The following FAT4 variants were observed in gnomAD, a reference collection of about 807,000 sequenced individuals.
The protein encoded by FAT4 is protocadherin Fat 4.
In FAT4, 84 loss-of-function variants were observed where a neutral mutation model predicts 303.9. The ratio of observed to expected loss-of-function variants is 0.28; its 90% CI spans 0.23 to 0.33. FAT4 has a LOEUF of 0.33. Ranked by LOEUF, FAT4 falls within the 10% of genes least tolerant of loss-of-function variation. The pLI, the probability that FAT4 is intolerant of heterozygous loss-of-function variation, is 1.00. For missense variants in FAT4, 6,005 were observed against 6,146.8 expected (o/e 0.98, Z 0.77); for synonymous variants, 2,307 against 2,298.8 (o/e 1.00, Z -0.10).
In FAT4 at chr4:125,451,063, T is replaced by G; in HGVS notation, c.10053T>G (p.Asn3351Lys). 1 of 1,614,050 alleles carries G rather than the reference T, an allele frequency of 6.2e-7. No individual in the cohort carries two copies. The highest frequency in any genetic ancestry group is 8.5e-7 in the Non-Finnish European group (1 of 1,179,992). ...GNSRKKGFQI[N>K]KKTGQIYVSG... Reference sequence around the variant, plus strand: ...GTCGAAAGAAGGGTTTCCAGATCAATAAGAAGACTGGACAGATTTATGTTT... The same window carrying G: ...GTCGAAAGAAGGGTTTCCAGATCAAGAAGAAGACTGGACAGATTTATGTTT... Residue 3351 changes from asparagine (N) to lysine (K), a missense_variant, in exon 10 of 18, where the codon AAT becomes AAG. Coordinates refer to ENST00000394329, the MANE Select transcript of FAT4 (RefSeq NM_001291303.3).
intron 2 of FAT4, among the ~76,000 whole-genome samples, chr4:125,342,984 T>A (rs1410591745): frequency 3.3e-5 from 5 of 152,180 alleles, no homozygotes; most frequent in Non-Finnish European, 7.4e-5. Context: ...ATTAACTATA[T>A]TGGCTAATAT....
Position 125,491,150 on chromosome 4 carries a change from G to A in FAT4, c.14334G>A (p.Gln4778=), listed in dbSNP as rs766957947. The A allele has an allele frequency of 6.2e-7, 1 of 1,614,158 alleles. No homozygotes were observed. The highest frequency in any genetic ancestry group is 8.5e-7 in the Non-Finnish European group (1 of 1,180,028). ...GTCGCCTAAAGCAGCCGATTGGGCA[G>A]ATTCCACTGGAATCTTCTCCTCCAG... ...PGSRLKQPIG[Q]IPLESSPPVG... Residue 4778 remains glutamine, a synonymous_variant, in exon 18 of 18, where the codon CAG becomes CAA. Coordinates refer to ENST00000394329, the MANE Select transcript of FAT4 (RefSeq NM_001291303.3).
In FAT4 at chr4:125,452,679, G is replaced by T; in HGVS notation, c.11669G>T (p.Cys3890Phe). ...HNLVGGFSCS[C>F]PDGFTGRACE... ...TTAGTGGGAGGATTTTCATGCAGCT[G>T]CCCAGATGGCTTCACTGGTAGGGCG... Residue 3890 changes from cysteine (C) to phenylalanine (F), a missense_variant, in exon 10 of 18, where the codon TGC (cysteine) becomes TTC (phenylalanine). Transcript: ENST00000394329. 1 of 1,614,122 alleles carries T rather than the reference G, an allele frequency of 6.2e-7. No individual in the cohort carries two copies. Among genetic ancestry groups the T allele is most frequent in the East Asian group, 2.2e-5 (1 of 44,852 alleles).
At chr4:125,418,690 T>C (rs1413717893) in intron 7 of FAT4, among the ~76,000 whole-genome samples, 1 of 152,130 alleles carries the variant, frequency 6.6e-6, no homozygotes, top group Non-Finnish European at 1.5e-5. Context: ...ATGCATTACT[T>C]ATAGTTATTT....
At chr4:125,445,192 A>G (rs1237898743) in intron 8 of FAT4, among the ~76,000 whole-genome samples, 3 of 152,104 alleles carry the variant, frequency 2.0e-5, no homozygotes, top group African/African-American at 7.2e-5. Context: ...CTGTTTTGCT[A>G]TCATTTTATA....
chr4:125,435,925 G>A (rs1725434577), intron 8 of FAT4, among the ~76,000 whole-genome samples: 1 of 151,728 alleles, frequency 6.6e-6, no homozygotes. Flanking sequence ...AGTTATCCAA[G>A]TAGAGTAACT....
At position 125,415,005 on chromosome 4, in the gene FAT4, C is replaced by T. The variant is rs1734987653; in HGVS notation, c.6042C>T (p.Tyr2014=). 2 of 1,614,048 alleles carry T rather than the reference C, an allele frequency of 1.2e-6. No individual in the cohort carries two copies. The highest frequency in any genetic ancestry group is 1.7e-6 in the Non-Finnish European group (2 of 1,179,946). ...TGGATCGGGAAAGTCAGTCCTTCTACAACTTGGTTGTTCAAGTGCATGACC... is the reference window on the plus strand; with the variant it reads ...TGGATCGGGAAAGTCAGTCCTTCTATAACTTGGTTGTTCAAGTGCATGACC... ...KALDRESQSF[Y]NLVVQVHDLP... is the part of the protein sequence containing the mutation. The change falls in exon 6 of 18, where the codon TAC becomes TAT. Residue 2014 remains tyrosine (Y), a synonymous_variant. Transcript: ENST00000394329.
chr4:125,318,311 C>T lies in FAT4; in HGVS notation c.1900C>T (p.Leu634=), dbSNP rs1730739368. The change falls in exon 2 of 18, where the codon CTG becomes TTG. Residue 634 remains leucine (L), a synonymous_variant. Coordinates refer to ENST00000394329, the MANE Select transcript of FAT4 (RefSeq NM_001291303.3). ...AGAGACTGACCGGAGGTCCTTCCGT[C>T]TGGATCCTGTGTCTGGGAGGTTGAG... ...EAETDRRSFR[L]DPVSGRLSTI... 6.2e-7 allele frequency: 1 copy of T among 1,614,224 alleles called. No homozygotes were observed. The highest frequency in any genetic ancestry group is 1.3e-5 in the African/African-American group (1 of 75,056).
intron 7 of FAT4, among the ~76,000 whole-genome samples, chr4:125,421,911 T>C (rs547585195): frequency 6.6e-6 from 1 of 152,334 alleles, no homozygotes; most frequent in South Asian, 2.1e-4. Flanking sequence ...TTAAATTTTT[T>C]TAAGGAAATC....
At chr4:125,462,634 G>A (rs567990919) in intron 10 of FAT4, among the ~76,000 whole-genome samples, 64 of 152,088 alleles carry the variant, frequency 4.2e-4, no homozygotes, top group African/African-American at 1.5e-3. Flanking sequence ...TATACACCAC[G>A]TGATCAACTA....
At chr4:125,424,441 T>C (rs1417644237) in intron 7 of FAT4, among the ~76,000 whole-genome samples, 3 of 152,278 alleles carry the variant, frequency 2.0e-5, no homozygotes, top group Non-Finnish European at 4.4e-5. Context: ...GATTATAAGT[T>C]TCCTGAGGCC....
At chr4:125,345,665 T>C (rs546251123) in intron 2 of FAT4, among the ~76,000 whole-genome samples, 4 of 152,120 alleles carry the variant, frequency 2.6e-5, no homozygotes, top group Non-Finnish European at 5.9e-5. Flanking sequence ...AATTTTCTTT[T>C]GGCCTCTAAT....
intron 2 of FAT4, among the ~76,000 whole-genome samples, chr4:125,347,758 A>G (rs910607265): frequency 3.0e-4 from 46 of 152,008 alleles, no homozygotes; most frequent in African/African-American, 1.1e-3. Context: ...AGATGATTTC[A>G]GTACATACTT....
intron 2 of FAT4, among the ~76,000 whole-genome samples, chr4:125,355,411 A>C (rs959827802): frequency 2.0e-5 from 3 of 151,980 alleles, no homozygotes; most frequent in Admixed American, 1.3e-4. Context: ...TTCCAAATGC[A>C]TGTAGGTAAA....
intron 2 of FAT4, among the ~76,000 whole-genome samples, chr4:125,331,848 T>G (rs924291760): frequency 7.2e-5 from 11 of 152,116 alleles, no homozygotes; most frequent in Admixed American, 2.6e-4. Flanking sequence ...AAACTTGATT[T>G]TAACACGCAG....
At chr4:125,447,954 A>G (rs1221240374) in intron 9 of FAT4, among the ~76,000 whole-genome samples, 2 of 152,098 alleles carry the variant, frequency 1.3e-5, no homozygotes, top group African/African-American at 4.8e-5. Flanking sequence ...GAATTTTGTC[A>G]TAAAACAGTG....
chr4:125,416,309 AT>A lies in FAT4; in HGVS notation c.6844-133del, dbSNP rs1179224378. 6 of 791,844 alleles carry A rather than the reference AT, an allele frequency of 7.6e-6. No homozygotes were observed. In the Admixed American group the frequency reaches 1.5e-4, roughly 20 times the overall value. The allele number at this position is 791,844 out of a possible 1,614,324, so 49.1% of individuals were successfully genotyped here. ...ATATATACTATAGTGTGCCATTTTTATTTTTTACTTGAAAATCTAAAAATAT... is the reference window on the plus strand; with the variant it reads ...ATATATACTATAGTGTGCCATTTTTATTTTTACTTGAAAATCTAAAAATAT... On this transcript the variant is annotated intron_variant, in intron 6 of 17. Coordinates refer to ENST00000394329, the MANE Select transcript of FAT4 (RefSeq NM_001291303.3).
rs749262850 is a variant in FAT4, at chr4:125,415,633, A to G, written c.6670A>G (p.Thr2224Ala). The change falls in exon 6 of 18, where the codon ACC becomes GCC. Residue 2224 changes from threonine (T) to alanine (A), a missense_variant. Transcript: ENST00000394329. ...AKPLDREKTP[T>A]YHLTVQATDR... Reference sequence around the variant, plus strand: ...ACCTTTGGATAGAGAAAAGACCCCTACCTACCATTTAACTGTTCAGGCAAC... The same window carrying G: ...ACCTTTGGATAGAGAAAAGACCCCTGCCTACCATTTAACTGTTCAGGCAAC... 6.2e-7 allele frequency: 1 copy of G among 1,614,024 alleles called. No individual in the cohort carries two copies. The highest frequency in any genetic ancestry group is 1.7e-5 in the Admixed American group (1 of 59,992).
In FAT4 at chr4:125,415,548, T is replaced by C. The variant is rs17009618; in HGVS notation, c.6585T>C (p.Asn2195=). 0.14 allele frequency: 232,422 copies of C among 1,613,962 alleles called. 18,966 individuals carry two copies. Among genetic ancestry groups the C allele is most frequent in the Admixed American group, 0.3 (17,923 of 59,996 alleles). ...TNGQVRYGIV[N]GNTNQEFRID... is the part of the protein sequence containing the mutation. The stretch of plus-strand genomic sequence containing the variant: ...GACAGGTTCGCTATGGCATTGTTAA[T>C]GGTAATACCAATCAGGAATTTCGGA... The change falls in exon 6 of 18, where the codon AAT becomes AAC. Residue 2195 remains asparagine, a synonymous_variant. Transcript: ENST00000394329.
Sources: allele counts gnomAD v4.1 joint callset (sites outside exome capture counted in the v4.1 genomes callset), GRCh38; gene constraint gnomAD v4.1.1; transcripts MANE v1.5; gene names NCBI Gene and HGNC (gene_info 2026-07-23, HGNC 2026-07-21).